Variants in TAFA5 observed in about 807,000 individuals in gnomAD.
TAFA5 encodes the protein chemokine-like protein TAFA-5.
TAFA5 carries 6 observed loss-of-function variants against 15.3 expected under a neutral mutation model. That is an observed-to-expected ratio of 0.39 (90% CI 0.21 to 0.77). The LOEUF (loss-of-function observed/expected upper bound fraction) is 0.77, where lower values mean the gene tolerates loss of function less well. Among genes scored for constraint, TAFA5 ranks in the 30% least tolerant of loss-of-function variants. The pLI, the probability that TAFA5 is intolerant of heterozygous loss-of-function variation, is 0.41. For synonymous variants in TAFA5, 103 were observed against 80.7 expected (o/e 1.28, Z -1.48); for missense variants, 161 against 193.1 (o/e 0.83, Z 0.98).
rs1040485631 is a variant in TAFA5 at position 48,560,335 on chromosome 22, A to C, written c.112+70631A>C. Among the ~76,000 whole-genome samples, 1 of 152,146 alleles carries C rather than the reference A, an allele frequency of 6.6e-6. No individual in the cohort carries two copies. The highest frequency in any genetic ancestry group is 1.5e-5 in the Non-Finnish European group (1 of 68,032). ...CTGCACTGGTGTGGCCCTGGCATTC[A>C]TATGGCCCCAGCAGGCCCCCCAGCA... On this transcript the variant is annotated intron_variant, in intron 1 of 3. Transcript: ENST00000402357. This position sits in a 1 kb window ranked among gnomAD's most constrained non-coding sequence, Gnocchi z 4.2.
intron 1 of TAFA5, among the ~76,000 whole-genome samples, chr22:48,559,423 G>A (rs1212325059): frequency 6.6e-6 from 1 of 152,186 alleles, no homozygotes; most frequent in Non-Finnish European, 1.5e-5. Flanking sequence ...CCCTCCCTGA[G>A]ATGAGCCGGG....
At chr22:48,711,092 G>A (rs1286952214) in intron 3 of TAFA5, among the ~76,000 whole-genome samples, 1 of 152,212 alleles carries the variant, frequency 6.6e-6, no homozygotes, top group South Asian at 2.1e-4. Context: ...GAGGCTTAGA[G>A]GGCACCTGCA....
In TAFA5 at chr22:48,639,685, G is replaced by C. The variant is rs1031895850; in HGVS notation, c.113-6912G>C. Among the ~76,000 whole-genome samples the C allele has an allele frequency of 2.0e-5, 3 of 152,162 alleles. No individual in the cohort carries two copies. The East Asian group carries it at 5.8e-4, about 29-fold the overall frequency. On this transcript the variant is annotated intron_variant, in intron 1 of 3. Transcript: ENST00000402357. The stretch of plus-strand genomic sequence containing the variant: ...CCCACCAGCCCCCGCCTAGCACCTG[G>C]AAGAAGGGGGTACCGCTTGTCTCCC...
At chr22:48,625,615 T>TC (rs1452035282) in intron 1 of TAFA5, among the ~76,000 whole-genome samples, 2 of 152,204 alleles carry the variant, frequency 1.3e-5, no homozygotes, top group Admixed American at 6.5e-5. Context: ...TCTCCCCAGC[T>TC]CCCTCAGGGA....
intron 1 of TAFA5, among the ~76,000 whole-genome samples, chr22:48,492,263 A>G (rs1055468864): frequency 1.3e-5 from 2 of 152,212 alleles, no homozygotes; most frequent in African/African-American, 4.8e-5. Flanking sequence ...TGTTTTTGTC[A>G]TCAGTAAGGA....
intron 2 of TAFA5, among the ~76,000 whole-genome samples, chr22:48,666,897 C>A (rs967833565): frequency 2.6e-5 from 4 of 152,124 alleles, no homozygotes; most frequent in Non-Finnish European, 4.4e-5. Context: ...TCCTTCATCC[C>A]CATGGTGCTG....
rs1229188681 is a variant in TAFA5, at chr22:48,598,655, A to G, written c.113-47942A>G. On this transcript the variant is annotated intron_variant, in intron 1 of 3. Transcript: ENST00000402357. This position sits in a 1 kb window ranked among gnomAD's most constrained non-coding sequence, Gnocchi z 4.0. ...AGTTTTTCACACCAACAAGTTCTCC[A>G]ACTTTCCAGACACCAAATGAATATC... Among the ~76,000 whole-genome samples the G allele has an allele frequency of 1.3e-5, 2 of 152,120 alleles. No homozygotes were observed. The highest frequency in any genetic ancestry group is 2.9e-5 in the Non-Finnish European group (2 of 68,022).
In TAFA5 at chr22:48,598,877, T is replaced by G. The variant is rs1197436143; in HGVS notation, c.113-47720T>G. ...ACTGACTGAATATAAGTCAGGGGGT[T>G]TCCACCACCCTCTCCTGGCATTCCG... is the stretch of plus-strand genomic sequence containing the variant. On this transcript the variant is annotated intron_variant, in intron 1 of 3. Coordinates refer to ENST00000402357, the MANE Select transcript of TAFA5 (RefSeq NM_001082967.3). The surrounding 1 kb of genome is among the most constrained non-coding windows in gnomAD (Gnocchi z 4.0). Among the ~76,000 whole-genome samples, 1 of 152,112 alleles carries G rather than the reference T, an allele frequency of 6.6e-6. No homozygotes were observed. Among genetic ancestry groups the G allele is most frequent in the Non-Finnish European group, 1.5e-5 (1 of 68,012 alleles).
intron 3 of TAFA5, among the ~76,000 whole-genome samples, chr22:48,737,918 C>T (rs1930077166): frequency 6.6e-6 from 1 of 152,114 alleles, no homozygotes; most frequent in Admixed American, 6.5e-5. Flanking sequence ...GTGAGGGCCG[C>T]GGTCACTGTG....
chr22:48,692,648 A>G (rs1462029782), intron 2 of TAFA5, among the ~76,000 whole-genome samples: 1 of 152,208 alleles, frequency 6.6e-6, no homozygotes, highest in African/African-American at 2.4e-5. Flanking sequence ...ATAAATGATG[A>G]TGGCAGTGGC....
At position 48,750,578 on chromosome 22, in the gene TAFA5, G is replaced by C. The variant is rs1930460517; in HGVS notation, c.*731G>C. On this transcript the variant is annotated 3_prime_UTR_variant, in exon 4 of 4. Coordinates refer to ENST00000402357, the MANE Select transcript of TAFA5 (RefSeq NM_001082967.3). The stretch of plus-strand genomic sequence containing the variant: ...CCCCACGCAGACGCCGGGAACGCAG[G>C]CCGCTTTATTCCTCTGTACTTAGAT... 6.6e-6 allele frequency: 1 copy of C among 152,554 alleles called. No homozygotes were observed. The highest frequency in any genetic ancestry group is 1.5e-5 in the Non-Finnish European group (1 of 68,102). 9.5% of individuals were successfully genotyped at this position (152,554 alleles called of 1,614,324 possible).
chr22:48,734,299 G>A (rs979943841), intron 3 of TAFA5, among the ~76,000 whole-genome samples: 2 of 152,226 alleles, frequency 1.3e-5, no homozygotes, highest in African/African-American at 2.4e-5. Flanking sequence ...GGGGAGTGGA[G>A]GGCGAAATAT....
At chr22:48,650,068 T>A (rs1292614576) in intron 2 of TAFA5, among the ~76,000 whole-genome samples, 1 of 152,212 alleles carries the variant, frequency 6.6e-6, no homozygotes, top group Non-Finnish European at 1.5e-5. Context: ...CAGGCTGCCA[T>A]CTAATTTAAT....
chr22:48,583,446 G>A (rs138045285), intron 1 of TAFA5, among the ~76,000 whole-genome samples: 2,103 of 98,570 alleles, frequency 0.021, 54 homozygotes, highest in African/African-American at 0.076. Flanking sequence ...AGTACCCACC[G>A]CACACAAAAT....
intron 2 of TAFA5, among the ~76,000 whole-genome samples, chr22:48,651,021 G>A (rs1927036349): frequency 6.6e-6 from 1 of 152,262 alleles, no homozygotes; most frequent in African/African-American, 2.4e-5. Context: ...GCCCTTGCCA[G>A]GCATGCAGTA....
chr22:48,554,896 C>T (rs1021361301), intron 1 of TAFA5, among the ~76,000 whole-genome samples: 27 of 152,206 alleles, frequency 1.8e-4, no homozygotes, highest in African/African-American at 4.8e-4. Flanking sequence ...GCTTCCTCTC[C>T]CCATAGTGGT....
chr22:48,620,891 C>T (rs1277077608), intron 1 of TAFA5, among the ~76,000 whole-genome samples: 1 of 47,772 alleles, frequency 2.1e-5, no homozygotes, highest in Non-Finnish European at 5.1e-5. Flanking sequence ...TCCATCCACC[C>T]ACCCAGTCTA....
chr22:48,658,520 C>T (rs567374991), intron 2 of TAFA5, among the ~76,000 whole-genome samples: 8 of 152,344 alleles, frequency 5.3e-5, no homozygotes, highest in Admixed American at 2.0e-4. Flanking sequence ...ACAGTTGATG[C>T]GGCCGGCAGG....
At chr22:48,540,351 T>C (rs1354631789) in intron 1 of TAFA5, among the ~76,000 whole-genome samples, 7 of 150,572 alleles carry the variant, frequency 4.6e-5, no homozygotes, top group African/African-American at 1.7e-4. Context: ...TCTGGAGGGG[T>C]GGGGGAGGCA....
Sources: allele counts gnomAD v4.1 joint callset (sites outside exome capture counted in the v4.1 genomes callset), GRCh38; gene constraint gnomAD v4.1.1; non-coding constraint Gnocchi (gnomAD v3.1); transcripts MANE v1.5; gene names NCBI Gene and HGNC (gene_info 2026-07-23, HGNC 2026-07-21).